BBS9: variants seen among roughly 807,000 people sequenced by gnomAD.
The protein encoded by BBS9 is Bardet-Biedl syndrome 9.
In BBS9, 89 loss-of-function variants were observed where a neutral mutation model predicts 117.7. That is an observed-to-expected ratio of 0.76 (90% confidence interval 0.64 to 0.90). The LOEUF is 0.90. BBS9 is among the 40% of genes least tolerant of loss of function. BBS9 has a pLI of 0.00. For missense variants in BBS9, 982 were observed against 1,042.2 expected (o/e 0.94, Z 0.80); for synonymous variants, 379 against 370.9 (o/e 1.02, Z -0.25).
At chr7:33,315,747 G>A (rs1277452117) in intron 9 of BBS9, among the ~76,000 whole-genome samples, 1 of 152,102 alleles carries the variant, frequency 6.6e-6, no homozygotes, top group Non-Finnish European at 1.5e-5. Context: ...TGTTGGTGGT[G>A]TCATTTTATG....
At chr7:33,339,885 G>T (rs187170046) in intron 10 of BBS9, among the ~76,000 whole-genome samples, 1 of 152,054 alleles carries the variant, frequency 6.6e-6, no homozygotes, top group Non-Finnish European at 1.5e-5. Flanking sequence ...TGAGATGAAG[G>T]TGAATAGCTC....
intron 9 of BBS9, among the ~76,000 whole-genome samples, chr7:33,283,522 A>G (rs926326115): frequency 6.6e-6 from 1 of 151,468 alleles, no homozygotes; most frequent in Admixed American, 6.6e-5. Flanking sequence ...TATTCTAGTT[A>G]TTGCTTCTAG....
At chr7:33,581,416 C>T (rs1165014242) in intron 21 of BBS9, among the ~76,000 whole-genome samples, 3 of 152,064 alleles carry the variant, frequency 2.0e-5, no homozygotes, top group Admixed American at 1.3e-4. Context: ...TAACTTGTTC[C>T]TGTAAAAACA....
intron 9 of BBS9, among the ~76,000 whole-genome samples, chr7:33,297,604 C>G (rs923491481): frequency 3.3e-5 from 5 of 152,052 alleles, no homozygotes; most frequent in Admixed American, 6.6e-5. Flanking sequence ...TTTTTAGGCA[C>G]CTACTTGCCA....
intron 19 of BBS9, among the ~76,000 whole-genome samples, chr7:33,472,583 T>TC (rs1254272796): frequency 1.3e-5 from 2 of 152,172 alleles, no homozygotes; most frequent in Non-Finnish European, 2.9e-5. Flanking sequence ...AGACAGGCTG[T>TC]CCCTAGCAGG....
intron 17 of BBS9, among the ~76,000 whole-genome samples, chr7:33,373,938 G>A (rs1823327877): frequency 6.6e-6 from 1 of 152,108 alleles, no homozygotes; most frequent in Non-Finnish European, 1.5e-5. Flanking sequence ...CAAAGTACCT[G>A]GAGAAAAAGG....
At chr7:33,594,165 C>T (rs1862357507) in intron 21 of BBS9, among the ~76,000 whole-genome samples, 1 of 152,076 alleles carries the variant, frequency 6.6e-6, no homozygotes, top group African/African-American at 2.4e-5. Flanking sequence ...ACATGCTGGA[C>T]CTCTTAAAAT....
At chr7:33,547,501 A>G (rs1037667844) in intron 21 of BBS9, among the ~76,000 whole-genome samples, 1 of 152,208 alleles carries the variant, frequency 6.6e-6, no homozygotes, top group African/African-American at 2.4e-5. Context: ...AAAAGTGAGC[A>G]CCCAGATATA....
At chr7:33,231,428 C>CTTTTTTTTTT (rs35407590) in intron 5 of BBS9, among the ~76,000 whole-genome samples, 3 of 106,384 alleles carry the variant, frequency 2.8e-5, no homozygotes, top group South Asian at 3.4e-4. Flanking sequence ...GCCTATGTGT[C>CTTTTTTTTTT]TTTTTTTTTT....
At chr7:33,235,986 T>G (rs73097268) in intron 5 of BBS9, among the ~76,000 whole-genome samples, 23,308 of 152,100 alleles carry the variant, frequency 0.15, 2,152 homozygotes, top group Non-Finnish European at 0.21. Flanking sequence ...TGAAACTACT[T>G]TAAGAAGTAT....
At chr7:33,509,182 T>G (rs1462614059) in intron 20 of BBS9, among the ~76,000 whole-genome samples, 1 of 152,234 alleles carries the variant, frequency 6.6e-6, no homozygotes, top group Non-Finnish European at 1.5e-5. Flanking sequence ...GTTATGCTCT[T>G]CATCTTTAAT....
At chr7:33,228,601 T>C (rs1044918376) in intron 5 of BBS9, among the ~76,000 whole-genome samples, 2 of 152,180 alleles carry the variant, frequency 1.3e-5, no homozygotes, top group Admixed American at 1.3e-4. Flanking sequence ...ACTGTTGCCT[T>C]ACTGATAACA....
At chr7:33,289,981 G>A (rs1803679990) in intron 9 of BBS9, among the ~76,000 whole-genome samples, 3 of 151,846 alleles carry the variant, frequency 2.0e-5, no homozygotes, top group South Asian at 4.2e-4. Flanking sequence ...GGGAGGCAGA[G>A]GTCGCAGTGA....
intron 7 of BBS9, among the ~76,000 whole-genome samples, chr7:33,270,285 C>T (rs1421326328): frequency 6.6e-6 from 1 of 152,152 alleles, no homozygotes; most frequent in African/African-American, 2.4e-5. Flanking sequence ...AGAACTCTGG[C>T]AACTCAAAAG....
Position 33,411,940 on chromosome 7 carries a change from CT to C in BBS9, c.2115+23798del, listed in dbSNP as rs1315968992. Among the ~76,000 whole-genome samples, 5 of 152,130 alleles carry C rather than the reference CT, an allele frequency of 3.3e-5. No homozygotes were observed. In the South Asian group the frequency reaches 1.0e-3, roughly 32 times the overall value. ...TTATAAGCATGGACAAATGTTACTC[CT>C]TATGGTAGTCATTTACCATTGAGGA... On this transcript the variant is annotated intron_variant, in intron 19 of 22. Transcript: ENST00000242067.
rs1184339199 is a variant in BBS9 at position 33,351,858 on chromosome 7, G to A, written c.1537+535G>A. 4 of 166,866 alleles carry A rather than the reference G, an allele frequency of 2.4e-5. No homozygotes were observed. In the East Asian group the frequency reaches 4.9e-4, roughly 20 times the overall value. The allele number at this position is 166,866 out of a possible 1,614,324, so 10.3% of individuals were successfully genotyped here. A position where few individuals can be genotyped will look rare whatever the true frequency, so the allele number is the denominator to read the frequency against. On this transcript the variant is annotated intron_variant, in intron 14 of 22. Transcript: ENST00000242067. ...TGGCCCCACCCCATTTCCCCAGTGC[G>A]CTCGCGGGCATGTCCAGGCAAGCCA...
At position 33,285,985 on chromosome 7, in the gene BBS9, T is replaced by C. The variant is rs118108835; in HGVS notation, c.1016+12029T>C. Among the ~76,000 whole-genome samples, 350 of 152,136 alleles carry C rather than the reference T, an allele frequency of 2.3e-3. 2 individuals are homozygous for C. The highest frequency in any genetic ancestry group is 3.6e-3 in the Non-Finnish European group (248 of 67,954). ...ATATCATAGTAATTACAGTTCCAGATTGTTTGATTTTGTTACATTCCATAG... is the reference window on the plus strand; with the variant it reads ...ATATCATAGTAATTACAGTTCCAGACTGTTTGATTTTGTTACATTCCATAG... On this transcript the variant is annotated intron_variant, in intron 9 of 22. Coordinates refer to ENST00000242067, the MANE Select transcript of BBS9 (RefSeq NM_198428.3).
chr7:33,483,160 T>C (rs573898098), intron 19 of BBS9, among the ~76,000 whole-genome samples: 2 of 152,270 alleles, frequency 1.3e-5, no homozygotes, highest in East Asian at 3.9e-4. Context: ...TATCCTGTCT[T>C]GCTATAATTT....
At chr7:33,359,708 T>C (rs887267100) in intron 16 of BBS9, among the ~76,000 whole-genome samples, 5 of 152,058 alleles carry the variant, frequency 3.3e-5, no homozygotes, top group African/African-American at 1.2e-4. Context: ...CTGTGTCTGT[T>C]TTTTTTAACT....
Sources: allele counts gnomAD v4.1 joint callset (sites outside exome capture counted in the v4.1 genomes callset), GRCh38; gene constraint gnomAD v4.1.1; transcripts MANE v1.5; gene names NCBI Gene and HGNC (gene_info 2026-07-23, HGNC 2026-07-21).